The following STPG2 variants were observed in gnomAD, a reference collection of about 807,000 sequenced individuals.
STPG2 encodes sperm-tail PG-rich repeat-containing protein 2.
A neutral mutation model predicts 54.2 loss-of-function variants in STPG2; 56 were observed. That is an observed-to-expected ratio of 1.03 (90% CI 0.83 to 1.29). The LOEUF (loss-of-function observed/expected upper bound fraction) is 1.29, where lower values mean the gene tolerates loss of function less well. Ranked by LOEUF, STPG2 falls within the 50% of genes most tolerant of loss-of-function variation. The pLI, the probability that STPG2 is intolerant of heterozygous loss-of-function variation, is 0.00. For missense variants in STPG2, 596 were observed against 544.9 expected (o/e 1.09, Z -0.93); for synonymous variants, 200 against 181.8 (o/e 1.10, Z -0.81).
intron 5 of STPG2, among the ~76,000 whole-genome samples, chr4:98,099,506 T>C (rs1238129578): frequency 1.3e-5 from 2 of 152,130 alleles, no homozygotes; most frequent in South Asian, 2.1e-4. Context: ...GTGGGGATGG[T>C]TACTGGGTAC....
chr4:97,854,169 T>C (rs1267712684), intron 8 of STPG2, among the ~76,000 whole-genome samples: 1 of 152,172 alleles, frequency 6.6e-6, no homozygotes, highest in African/African-American at 2.4e-5. Context: ...ACAACAAACA[T>C]TTATAGTCTT....
At chr4:97,690,750 C>T (rs1216931301) in intron 10 of STPG2, among the ~76,000 whole-genome samples, 1 of 151,970 alleles carries the variant, frequency 6.6e-6, no homozygotes, top group African/African-American at 2.4e-5. Context: ...TTTCAACTTC[C>T]TCTAAAGCTA....
At chr4:98,111,866 C>T (rs1027535023) in intron 3 of STPG2, among the ~76,000 whole-genome samples, 9 of 152,034 alleles carry the variant, frequency 5.9e-5, no homozygotes, top group Admixed American at 5.3e-4. Context: ...ATCTGAGATG[C>T]CCATCTTCTC....
chr4:97,917,455 G>A (rs75117396), intron 8 of STPG2: 1 of 152,086 alleles, frequency 6.6e-6, no homozygotes, highest in African/African-American at 2.4e-5. Context: ...AGAACAAATT[G>A]AGAAGATCTC....
chr4:97,873,470 A>T (rs1405512460), intron 8 of STPG2, among the ~76,000 whole-genome samples: 1 of 151,552 alleles, frequency 6.6e-6, no homozygotes. Context: ...TACTAATAAC[A>T]TTTTAACTGT....
chr4:97,527,345 C>A (rs1051878634), intron 4 of STPG2, among the ~76,000 whole-genome samples: 1 of 152,054 alleles, frequency 6.6e-6, no homozygotes, highest in Non-Finnish European at 1.5e-5. Context: ...TTTTCTTATA[C>A]CTGCATAGTA....
At chr4:97,942,429 C>G (rs1041929818) in intron 8 of STPG2, among the ~76,000 whole-genome samples, 8 of 151,996 alleles carry the variant, frequency 5.3e-5, no homozygotes, top group Non-Finnish European at 8.8e-5. Context: ...TAAAACAGCA[C>G]TATTAGTTAA....
chr4:97,776,617 C>T (rs908510056), intron 9 of STPG2, among the ~76,000 whole-genome samples: 20 of 152,084 alleles, frequency 1.3e-4, no homozygotes, highest in South Asian at 4.2e-4. Flanking sequence ...GTCTAGTGTT[C>T]GGAAGAAGTG....
At chr4:98,069,795 C>T (rs946817037) in intron 5 of STPG2, among the ~76,000 whole-genome samples, 4 of 151,960 alleles carry the variant, frequency 2.6e-5, no homozygotes, top group Non-Finnish European at 5.9e-5. Flanking sequence ...GAGACACCAC[C>T]TCCACCAAAA....
chr4:98,031,958 G>GA (rs1178537801), intron 5 of STPG2, among the ~76,000 whole-genome samples: 1 of 152,008 alleles, frequency 6.6e-6, no homozygotes, highest in Non-Finnish European at 1.5e-5. Flanking sequence ...CAACAAACAT[G>GA]AAAAAATGCT....
intron 9 of STPG2, among the ~76,000 whole-genome samples, chr4:97,769,301 A>AT (rs1423621291): frequency 6.6e-6 from 1 of 152,128 alleles, no homozygotes; most frequent in African/African-American, 2.4e-5. Context: ...TGGAGTACAT[A>AT]TAAGTGTTCC....
chr4:97,791,044 T>A (rs887623681), intron 9 of STPG2, among the ~76,000 whole-genome samples: 12 of 152,160 alleles, frequency 7.9e-5, no homozygotes, highest in Non-Finnish European at 1.8e-4. Context: ...TCAGTTTATG[T>A]CCCTACTCTG....
intron 5 of STPG2, among the ~76,000 whole-genome samples, chr4:97,986,970 A>G (rs1372347359): frequency 6.6e-6 from 1 of 152,186 alleles, no homozygotes; most frequent in Non-Finnish European, 1.5e-5. Flanking sequence ...TTTTAATGTC[A>G]TATTTTCCAG....
In STPG2 at chr4:97,493,185, G is replaced by A. The variant is rs186951235; in HGVS notation, c.462+219514C>T. 1.9e-3 allele frequency among the ~76,000 whole-genome samples: 286 copies of A among 150,896 alleles called. 1 individual carries two copies. Among genetic ancestry groups the A allele is most frequent in the African/African-American group, 6.4e-3 (264 of 41,262 alleles). On this transcript the variant is annotated intron_variant, in intron 4 of 4. Coordinates refer to the STPG2 transcript ENST00000522676. ...CGTCGGTTATTACAGCCTCCAAACT[G>A]AAGAGTGAAACACAGCCACAAGAAT...
At chr4:97,904,305 C>G (rs1731309557) in intron 8 of STPG2, among the ~76,000 whole-genome samples, 2 of 152,208 alleles carry the variant, frequency 1.3e-5, no homozygotes, top group South Asian at 4.1e-4. Flanking sequence ...GACCCCCGAG[C>G]AGCCTAACTG....
chr4:97,647,812 T>G (rs1030249111), intron 10 of STPG2, among the ~76,000 whole-genome samples: 1 of 152,062 alleles, frequency 6.6e-6, no homozygotes, highest in Non-Finnish European at 1.5e-5. Context: ...GGGAAACAGG[T>G]GTGAATGGGC....
intron 10 of STPG2, among the ~76,000 whole-genome samples, chr4:97,682,172 A>C (rs537775013): frequency 4.5e-4 from 68 of 151,874 alleles, no homozygotes; most frequent in Non-Finnish European, 5.5e-4. Flanking sequence ...ACTCTCTACT[A>C]GGCATACAAA....
intron 3 of STPG2, among the ~76,000 whole-genome samples, chr4:98,111,072 AC>A (rs536979332): frequency 1.9e-3 from 287 of 152,252 alleles, no homozygotes; most frequent in African/African-American, 6.8e-3. Flanking sequence ...AAAGACTAGA[AC>A]CAGAAAAGGA....
chr4:97,786,271 T>C (rs1440781831), intron 9 of STPG2, among the ~76,000 whole-genome samples: 3 of 152,082 alleles, frequency 2.0e-5, no homozygotes, highest in African/African-American at 7.2e-5. Context: ...ATTTTAATAA[T>C]ATTATGCTTT....
Sources: gnomAD v4.1 joint callset for allele counts (sites outside exome capture counted in the v4.1 genomes callset) on GRCh38, gnomAD v4.1.1 for gene constraint, MANE v1.5 for transcripts, NCBI Gene and HGNC (gene_info 2026-07-23, HGNC 2026-07-21) for gene names.